Variants in NRXN1 observed in about 807,000 individuals in gnomAD.
NRXN1 encodes neurexin 1.
In NRXN1, 39 loss-of-function variants were observed where a neutral mutation model predicts 150.9. The ratio of observed to expected loss-of-function variants is 0.26; its 90% CI spans 0.20 to 0.34. The LOEUF (loss-of-function observed/expected upper bound fraction) is 0.34. Ranked by LOEUF, NRXN1 falls within the 10% of genes least tolerant of loss-of-function variation. NRXN1 has a pLI of 1.00. For missense variants in NRXN1, 1,815 were observed against 1,949.9 expected, an observed-to-expected ratio of 0.93 and a Z score of 1.30; for synonymous variants, 924 against 757.0, an observed-to-expected ratio of 1.22 and a Z score of -3.62.
intron 8 of NRXN1, among the ~76,000 whole-genome samples, chr2:50,573,931 A>C (rs145776630): frequency 1.3e-5 from 2 of 152,232 alleles, no homozygotes; most frequent in African/African-American, 4.8e-5. Flanking sequence ...AAGGGACCTG[A>C]GTAACTACAA....
At chr2:50,590,253 T>A (rs187499927) in intron 8 of NRXN1, among the ~76,000 whole-genome samples, 129 of 152,320 alleles carry the variant, frequency 8.5e-4, no homozygotes, top group African/African-American at 2.8e-3. Context: ...TTTACTTTTT[T>A]AAAAAATGGA....
intron 19 of NRXN1, among the ~76,000 whole-genome samples, chr2:50,066,560 T>C (rs1333345118): frequency 6.6e-6 from 1 of 152,200 alleles, no homozygotes; most frequent in Non-Finnish European, 1.5e-5. Flanking sequence ...GGTTGACAAT[T>C]GATCATTATC....
At chr2:50,805,986 T>C (rs1259838929) in intron 5 of NRXN1, among the ~76,000 whole-genome samples, 1 of 152,188 alleles carries the variant, frequency 6.6e-6, no homozygotes, top group Non-Finnish European at 1.5e-5. Flanking sequence ...CCCAGACATA[T>C]TCATCCTTTA....
chr2:50,055,308 C>T (rs867536476), intron 19 of NRXN1, among the ~76,000 whole-genome samples: 3 of 152,024 alleles, frequency 2.0e-5, no homozygotes, highest in African/African-American at 7.2e-5. Flanking sequence ...TAGACAGACC[C>T]GAACAACCAA....
intron 5 of NRXN1, among the ~76,000 whole-genome samples, chr2:50,883,363 G>A (rs1280568102): frequency 1.3e-5 from 2 of 149,982 alleles, no homozygotes; most frequent in South Asian, 2.1e-4. Context: ...GTTAATTGAA[G>A]TTTTTAATCA....
Position 50,552,602 on chromosome 2 carries a change from T to C in NRXN1, c.1744A>G (p.Arg582Gly). 6.2e-7 allele frequency: 1 copy of C among 1,612,602 alleles called. No homozygotes were observed. Among genetic ancestry groups the C allele is most frequent in the South Asian group, 1.1e-5 (1 of 91,052 alleles). ...DGEWYHVDFQ[R>G]DGRSGTISVN... ...ATAAGATTACCTGACCGTCCGTCTC[T>C]CTGGAAGTCCACATGATACCATTCT... Residue 582 changes from arginine (R) to glycine (G), a missense_variant, in exon 9 of 23, where the codon AGA becomes GGA. This residue lies in a region of NRXN1 where 638 missense variants were observed against 652.6 expected (regional missense o/e 0.98). Transcript: ENST00000401669.
At chr2:50,782,387 T>C (rs1574458808) in intron 5 of NRXN1, among the ~76,000 whole-genome samples, 2 of 151,944 alleles carry the variant, frequency 1.3e-5, no homozygotes, top group East Asian at 3.9e-4. Context: ...GGAGAATCAC[T>C]TGAACCTGGG....
chr2:50,860,179 T>C (rs1236159162), intron 5 of NRXN1, among the ~76,000 whole-genome samples: 2 of 152,038 alleles, frequency 1.3e-5, no homozygotes, highest in Non-Finnish European at 2.9e-5. Flanking sequence ...ACCAGTAATC[T>C]GATCAGCCTT....
In NRXN1 at chr2:50,056,266, C is replaced by G. The variant is rs1055590981; in HGVS notation, c.3719-1222G>C. Among the ~76,000 whole-genome samples, 29 of 151,988 alleles carry G rather than the reference C, an allele frequency of 1.9e-4. 1 individual carries two copies. The highest frequency in any genetic ancestry group is 1.6e-3 in the Admixed American group (25 of 15,240). The stretch of plus-strand genomic sequence containing the variant: ...TCTGATTTACAATAATTTATAAGTG[C>G]TTTCTTTTGCTACTCTTATAATACA... On this transcript the variant is annotated intron_variant, in intron 19 of 22. Coordinates refer to ENST00000401669, the MANE Select transcript of NRXN1 (RefSeq NM_001330078.2).
chr2:50,049,688 G>T (rs1321899336), intron 21 of NRXN1, among the ~76,000 whole-genome samples: 1 of 152,076 alleles, frequency 6.6e-6, no homozygotes, highest in African/African-American at 2.4e-5. Flanking sequence ...TCCTTTCTTT[G>T]TGGACAGGCA....
intron 15 of NRXN1, among the ~76,000 whole-genome samples, chr2:50,474,848 A>T (rs2089860360): frequency 2.0e-5 from 3 of 150,124 alleles, no homozygotes; most frequent in African/African-American, 7.3e-5. Context: ...CCAAAAAAAA[A>T]AAAATGAGTA....
intron 15 of NRXN1, among the ~76,000 whole-genome samples, chr2:50,486,582 T>G (rs1255521712): frequency 6.6e-6 from 1 of 152,082 alleles, no homozygotes; most frequent in Non-Finnish European, 1.5e-5. Flanking sequence ...TTTGAATTCT[T>G]TTTACAGTCC....
At chr2:50,855,662 C>T (rs1411928948) in intron 5 of NRXN1, among the ~76,000 whole-genome samples, 5 of 151,998 alleles carry the variant, frequency 3.3e-5, no homozygotes, top group African/African-American at 1.2e-4. Context: ...AGGAAAAGAA[C>T]TTCTTGGAAA....
intron 18 of NRXN1, among the ~76,000 whole-genome samples, chr2:50,214,481 C>T (rs920854362): frequency 6.6e-6 from 1 of 151,722 alleles, no homozygotes; most frequent in Non-Finnish European, 1.5e-5. Context: ...CATTTTTGTC[C>T]AGGTAGAGAC....
chr2:50,780,897 A>G (rs950371234), intron 5 of NRXN1, among the ~76,000 whole-genome samples: 10 of 152,260 alleles, frequency 6.6e-5, no homozygotes, highest in African/African-American at 2.4e-4. Context: ...CCTCCTATGC[A>G]TACTACACTA....
chr2:50,061,261 T>A (rs1306199282), intron 19 of NRXN1, among the ~76,000 whole-genome samples: 1 of 152,204 alleles, frequency 6.6e-6, no homozygotes, highest in Non-Finnish European at 1.5e-5. Context: ...AGACCTTACA[T>A]GCAATATAAA....
Position 50,473,624 on chromosome 2 carries a change from T to C in NRXN1, c.3071-1153A>G, listed in dbSNP as rs1363443263. 2.0e-5 allele frequency among the ~76,000 whole-genome samples: 3 copies of C among 152,022 alleles called. No individual in the cohort carries two copies. The East Asian group carries it at 5.8e-4, about 29-fold the overall frequency. On this transcript the variant is annotated intron_variant, in intron 15 of 22. Transcript: ENST00000401669. ...TTCTTTCTCATGTTAACCATTCTAT[T>C]CAACTTGATGTCACTTGGCACATTT...
intron 18 of NRXN1, among the ~76,000 whole-genome samples, chr2:50,127,988 G>A (rs1396731053): frequency 2.6e-5 from 4 of 152,076 alleles, no homozygotes; most frequent in East Asian, 1.9e-4. Context: ...AGTTACTTTC[G>A]TTCTTCTCTA....
chr2:50,038,094 C>G (rs113786940), intron 21 of NRXN1, among the ~76,000 whole-genome samples: 17 of 152,108 alleles, frequency 1.1e-4, no homozygotes, highest in African/African-American at 4.1e-4. Flanking sequence ...TGTAGAGATA[C>G]CTGAGGATAA....
Sources: gnomAD v4.1 joint callset for allele counts (sites outside exome capture counted in the v4.1 genomes callset) on GRCh38, gnomAD v4.1.1 for gene constraint, gnomAD v4.1.1 regional missense constraint, MANE v1.5 for transcripts, NCBI Gene and HGNC (gene_info 2026-07-23, HGNC 2026-07-21) for gene names.